KAT7: variants seen among roughly 807,000 people sequenced by gnomAD.
KAT7 encodes the protein lysine acetyltransferase 7.
Under a neutral mutation model 82.1 loss-of-function variants are expected in KAT7, and 10 were observed. That is an observed-to-expected ratio of 0.12 (90% CI 0.08 to 0.21). The LOEUF is 0.21. Among genes scored for constraint, KAT7 ranks in the 10% least tolerant of loss-of-function variants. The pLI, the probability that KAT7 is intolerant of heterozygous loss-of-function variation, is 1.00. For missense variants in KAT7, 378 were observed against 760.9 expected (o/e 0.50, Z 5.92); for synonymous variants, 250 against 262.5 (o/e 0.95, Z 0.46).
intron 4 of KAT7, among the ~76,000 whole-genome samples, chr17:49,802,965 C>T (rs981925383): frequency 4.6e-5 from 7 of 152,058 alleles, no homozygotes; most frequent in Admixed American, 3.9e-4. Context: ...CTTGGAATCA[C>T]ATAGTCCTCC....
At chr17:49,815,475 CTTTA>C (rs1035492664) in intron 7 of KAT7, 16 of 181,572 alleles carry the variant, frequency 8.8e-5, no homozygotes, top group Non-Finnish European at 1.5e-4. Flanking sequence ...GTTTGTTGTA[CTTTA>C]TTTATTTGTA....
rs1192944614 is a variant in KAT7, at chr17:49,798,357, C to A, written c.379C>A (p.Arg127=). The A allele has an allele frequency of 4.3e-6, 7 of 1,614,068 alleles. No individual in the cohort carries two copies. Among genetic ancestry groups the A allele is most frequent in the Non-Finnish European group, 5.9e-6 (7 of 1,180,010 alleles). ...AGCTGATCATGATGAGTCACCGCCT[C>A]GAACTCCAACTGGAAATGCGCCTTC... The part of the protein sequence containing the change: ...NTADHDESPP[R]TPTGNAPSSE... The change falls in exon 4 of 15, where the codon CGA becomes AGA. Residue 127 remains arginine, a synonymous_variant. Transcript: ENST00000259021.
rs1029089913 is a variant in KAT7 at position 49,832,381 on chromosome 17, G to C, written c.*4879G>C. The C allele has an allele frequency of 3.9e-5, 6 of 152,276 alleles. No homozygotes were observed. In the East Asian group the frequency reaches 9.6e-4, roughly 24 times the overall value. 9.4% of individuals were successfully genotyped at this position (152,276 alleles called of 1,614,324 possible). On this transcript the variant is annotated 3_prime_UTR_variant, in exon 15 of 15. Coordinates refer to ENST00000259021, the MANE Select transcript of KAT7 (RefSeq NM_007067.5). Reference sequence around the variant, plus strand: ...GTGGGGTGGGTCAAAACAAAGTCTCGAGCTGTACCAGGATCAAGCAGCACA... The same window carrying C: ...GTGGGGTGGGTCAAAACAAAGTCTCCAGCTGTACCAGGATCAAGCAGCACA...
In KAT7 at chr17:49,826,747, C is replaced by A; in HGVS notation, c.1682C>A (p.Ala561Asp). The change falls in exon 14 of 15, where the codon GCC becomes GAC. Residue 561 changes from alanine to aspartate, a missense_variant. This residue lies in a region of KAT7 where 44 missense variants were observed against 102.2 expected (regional missense o/e 0.43). Transcript: ENST00000259021. ...NPVDIVSTLQ[A>D]LQMLKYWKGK... is the part of the protein sequence containing the mutation. ...GTGGACATTGTCAGCACTCTGCAAG[C>A]CCTTCAGATGCTCAAATACTGGAAG... 2 of 1,612,364 alleles carry A rather than the reference C, an allele frequency of 1.2e-6. No individual in the cohort carries two copies. The highest frequency in any genetic ancestry group is 1.7e-6 in the Non-Finnish European group (2 of 1,179,588).
chr17:49,805,044 GT>G (rs896285872), intron 4 of KAT7, among the ~76,000 whole-genome samples: 20 of 152,274 alleles, frequency 1.3e-4, no homozygotes, highest in Admixed American at 5.2e-4. Context: ...AAAAGAAAGT[GT>G]TCCTGTTCAT....
At chr17:49,818,058 T>C (rs770646330) in intron 9 of KAT7, 47 bp downstream of exon 9, 28 of 1,497,172 alleles carry the variant, frequency 1.9e-5, no homozygotes, top group Non-Finnish European at 2.5e-5. Context: ...GGCAATAAGC[T>C]GTAGGATCTC....
chr17:49,820,897 AAAG>A (rs1230950077), intron 9 of KAT7, among the ~76,000 whole-genome samples: 1 of 152,024 alleles, frequency 6.6e-6, no homozygotes, highest in Non-Finnish European at 1.5e-5. Context: ...TAATCTGAAC[AAAG>A]AAGGCCATCA....
intron 7 of KAT7, among the ~76,000 whole-genome samples, chr17:49,814,677 C>T (rs948637393): frequency 3.9e-5 from 6 of 151,922 alleles, no homozygotes; most frequent in Non-Finnish European, 8.8e-5. Context: ...AGGACCCAAC[C>T]TCCTTGATTA....
At chr17:49,799,234 GA>G (rs2066609886) in intron 4 of KAT7, among the ~76,000 whole-genome samples, 1 of 152,196 alleles carries the variant, frequency 6.6e-6, no homozygotes, top group Admixed American at 6.5e-5. Flanking sequence ...AGAGTTGGAA[GA>G]TGCTGATTGG....
chr17:49,804,821 A>G (rs1365962715), intron 4 of KAT7, among the ~76,000 whole-genome samples: 1 of 152,160 alleles, frequency 6.6e-6, no homozygotes, highest in Non-Finnish European at 1.5e-5. Context: ...AGCAAAACTC[A>G]GTTCTCCCTC....
In KAT7 at chr17:49,832,115, C is replaced by T. The variant is rs1175447706; in HGVS notation, c.*4613C>T. On this transcript the variant is annotated 3_prime_UTR_variant, in exon 15 of 15. Transcript: ENST00000259021. ...GGATTACAGGTGCCCACCACCTCGC[C>T]TGGCTAATTTTTGTATTTTTAGTAG... 1 of 152,264 alleles carries T rather than the reference C, an allele frequency of 6.6e-6. No individual in the cohort carries two copies. Among genetic ancestry groups the T allele is most frequent in the East Asian group, 1.9e-4 (1 of 5,180 alleles). The allele number at this position is 152,264 out of a possible 1,614,324, so 9.4% of individuals were successfully genotyped here.
chr17:49,790,496 C>T (rs2073873168), intron 1 of KAT7, among the ~76,000 whole-genome samples: 1 of 152,164 alleles, frequency 6.6e-6, no homozygotes, highest in Admixed American at 6.5e-5. Flanking sequence ...CACGCCCGGC[C>T]GGTGGTATGT....
chr17:49,815,379 TTTTG>T (rs2074221786), intron 7 of KAT7: 1 of 152,836 alleles, frequency 6.5e-6, no homozygotes, highest in Admixed American at 6.5e-5. Context: ...AAAATCTGGT[TTTTG>T]TTTGTTTTGT....
intron 5 of KAT7, 78 bp from the exon 6 acceptor site, chr17:49,809,041 T>G: frequency 9.1e-7 from 1 of 1,093,454 alleles, no homozygotes. Flanking sequence ...ATCCAAGGCA[T>G]TATCATTGTA....
rs1470073901 is a variant in KAT7, at chr17:49,829,393, T to C, written c.*1891T>C. The C allele has an allele frequency of 6.6e-6, 1 of 152,200 alleles. No homozygotes were observed. Among genetic ancestry groups the C allele is most frequent in the Non-Finnish European group, 1.5e-5 (1 of 68,032 alleles). The allele number at this position is 152,200 out of a possible 1,614,324, so 9.4% of individuals were successfully genotyped here. A position where few individuals can be genotyped will look rare whatever the true frequency, so the allele number is the denominator to read the frequency against. ...CCCATTCTTTCACTAAGTGCCATTTTCCACTGATTTTAGGGGCAAAGGAAC... is the reference window on the plus strand; with the variant it reads ...CCCATTCTTTCACTAAGTGCCATTTCCCACTGATTTTAGGGGCAAAGGAAC... On this transcript the variant is annotated 3_prime_UTR_variant, in exon 15 of 15. Transcript: ENST00000259021.
chr17:49,827,079 T>C (rs2074377153), intron 14 of KAT7: 1 of 442,640 alleles, frequency 2.3e-6, no homozygotes, highest in African/African-American at 2.0e-5. Context: ...GATGTTTTTC[T>C]TAGGTGGGAG....
chr17:49,815,787 C>T lies in KAT7; in HGVS notation c.853-16C>T. On this transcript the variant is annotated splice_polypyrimidine_tract_variant and intron_variant, in intron 7 of 14. Transcript: ENST00000259021. ...GCAGAGAGTATCAGAGTATCACGCT[C>T]TGGTTATTTTCCTAGGAACACAGAC... 6.7e-7 allele frequency: 1 copy of T among 1,481,870 alleles called. No homozygotes were observed. Among genetic ancestry groups the T allele is most frequent in the Non-Finnish European group, 9.4e-7 (1 of 1,061,188 alleles). 91.8% of individuals were successfully genotyped at this position (1,481,870 alleles called of 1,614,324 possible). A position where few individuals can be genotyped will look rare whatever the true frequency, so the allele number is the denominator to read the frequency against.
rs1032279024 is a variant in KAT7 at position 49,832,349 on chromosome 17, G to C, written c.*4847G>C. 2.6e-5 allele frequency: 4 copies of C among 152,212 alleles called. No homozygotes were observed. Among genetic ancestry groups the C allele is most frequent in the Admixed American group, 6.5e-5 (1 of 15,276 alleles). The allele number at this position is 152,212 out of a possible 1,614,324, so 9.4% of individuals were successfully genotyped here. ...TGATTTGTACTGATTTGTCCCTATA[G>C]TTCTGGGTGGGGTGGGTCAAAACAA... On this transcript the variant is annotated 3_prime_UTR_variant, in exon 15 of 15. Coordinates refer to ENST00000259021, the MANE Select transcript of KAT7 (RefSeq NM_007067.5).
At chr17:49,822,739 A>G (rs1567864438) in intron 11 of KAT7, among the ~76,000 whole-genome samples, 3 of 152,128 alleles carry the variant, frequency 2.0e-5, no homozygotes, top group African/African-American at 7.2e-5. Context: ...TTCTTTCTCT[A>G]TAAATTTCCC....
Sources: gnomAD v4.1 joint callset for allele counts (sites outside exome capture counted in the v4.1 genomes callset) on GRCh38, gnomAD v4.1.1 for gene constraint, gnomAD v4.1.1 regional missense constraint, MANE v1.5 for transcripts, NCBI Gene and HGNC (gene_info 2026-07-23, HGNC 2026-07-21) for gene names.